The following PTPN4 variants were observed in gnomAD, a reference collection of about 807,000 sequenced individuals.
PTPN4 encodes the protein protein tyrosine phosphatase non-receptor type 4, also known as tyrosine-protein phosphatase non-receptor type 4.
PTPN4 carries 49 observed loss-of-function variants against 135.5 expected under a neutral mutation model. That is an observed-to-expected ratio of 0.36 (90% CI 0.29 to 0.46). The LOEUF (loss-of-function observed/expected upper bound fraction) is 0.46. Among genes scored for constraint, PTPN4 ranks in the 20% least tolerant of loss-of-function variants. The pLI is 1.00. For synonymous variants in PTPN4, 333 were observed against 369.9 expected (o/e 0.90, Z 1.14); for missense variants, 860 against 1,101.0 (o/e 0.78, Z 3.10).
chr2:119,880,456 G>A (rs1574384909), intron 5 of PTPN4, among the ~76,000 whole-genome samples: 1 of 150,668 alleles, frequency 6.6e-6, no homozygotes, highest in African/African-American at 2.4e-5. Context: ...TTGAGATAGA[G>A]TCTCACTCTG....
At position 119,862,630 on chromosome 2, in the gene PTPN4, C is replaced by G. The variant is rs145726868; in HGVS notation, c.233C>G (p.Ser78Cys). The change falls in exon 3 of 27, where the codon TCC becomes TGC. Residue 78 changes from serine to cysteine, a missense_variant. Physicochemically the swap from Ser to Cys is moderately radical, Grantham distance 112 (BLOSUM62 -1). This residue lies in a region of PTPN4 where 684 missense variants were observed against 807.0 expected (regional missense o/e 0.85). Transcript: ENST00000263708. ...TTTGGTTTACAGTTGGCTGATGATT[C>G]CACAGATAACCCAGTAAGTGTAAGA... ...DYFGLQLADD[S>C]TDNPRWLDPN... 1 of 1,607,142 alleles carries G rather than the reference C, an allele frequency of 6.2e-7. No individual in the cohort carries two copies. The highest frequency in any genetic ancestry group is 8.5e-7 in the Non-Finnish European group (1 of 1,174,562).
chr2:119,897,320 A>G (rs72838969), intron 9 of PTPN4, among the ~76,000 whole-genome samples: 3,652 of 152,228 alleles, frequency 0.024, 65 homozygotes, highest in Non-Finnish European at 0.033. Flanking sequence ...ACAGACATGA[A>G]ATTAGCCATT....
At chr2:119,881,219 T>C (rs1678072857) in intron 5 of PTPN4, among the ~76,000 whole-genome samples, 1 of 152,188 alleles carries the variant, frequency 6.6e-6, no homozygotes, top group Non-Finnish European at 1.5e-5. Context: ...ATTCTAACAA[T>C]AGTAGACAAA....
intron 15 of PTPN4, among the ~76,000 whole-genome samples, chr2:119,939,245 T>A (rs1679028297): frequency 6.6e-6 from 1 of 152,218 alleles, no homozygotes; most frequent in African/African-American, 2.4e-5. Context: ...ACTTTATTCT[T>A]ACATTCCTAA....
intron 2 of PTPN4, among the ~76,000 whole-genome samples, chr2:119,822,707 G>C (rs1677088628): frequency 6.6e-6 from 1 of 152,050 alleles, no homozygotes; most frequent in South Asian, 2.1e-4. Context: ...TGTTGTTCTT[G>C]TGGTTTTTAT....
At chr2:119,768,614 A>T (rs752498530) in intron 1 of PTPN4, among the ~76,000 whole-genome samples, 1 of 152,154 alleles carries the variant, frequency 6.6e-6, no homozygotes, top group Admixed American at 6.5e-5. Flanking sequence ...CAGCAGTGAT[A>T]AATTGGTTCC....
intron 1 of PTPN4, among the ~76,000 whole-genome samples, chr2:119,796,572 T>C (rs1691264725): frequency 1.3e-5 from 2 of 152,236 alleles, no homozygotes; most frequent in South Asian, 4.1e-4. Context: ...TTTATTGATA[T>C]ACTACAGGTC....
At chr2:119,782,505 G>T (rs1305927271) in intron 1 of PTPN4, among the ~76,000 whole-genome samples, 1 of 152,018 alleles carries the variant, frequency 6.6e-6, no homozygotes, top group Non-Finnish European at 1.5e-5. Flanking sequence ...TCCTATATAG[G>T]ACAGTACAGA....
intron 3 of PTPN4, among the ~76,000 whole-genome samples, chr2:119,865,812 G>A (rs1257873997): frequency 2.0e-5 from 3 of 152,012 alleles, no homozygotes; most frequent in East Asian, 3.9e-4. Context: ...AATTAGAACT[G>A]TTGCCTTAGA....
At chr2:119,959,875 ATC>A (rs1679340721) in intron 22 of PTPN4, among the ~76,000 whole-genome samples, 1 of 152,180 alleles carries the variant, frequency 6.6e-6, no homozygotes. Context: ...AGGGCCTTAA[ATC>A]TGCATTAAAT....
At chr2:119,932,029 T>C (rs1678914177) in intron 13 of PTPN4, among the ~76,000 whole-genome samples, 1 of 152,216 alleles carries the variant, frequency 6.6e-6, no homozygotes, top group Non-Finnish European at 1.5e-5. Flanking sequence ...CGAGGAGTTA[T>C]TTAATACATC....
At chr2:119,785,683 C>T (rs183825605) in intron 1 of PTPN4, among the ~76,000 whole-genome samples, 39 of 152,162 alleles carry the variant, frequency 2.6e-4, no homozygotes, top group Middle Eastern at 3.4e-3. Context: ...TGAACACTTA[C>T]ATACTTTACC....
chr2:119,903,385 A>G (rs1428962438), intron 10 of PTPN4, among the ~76,000 whole-genome samples: 1 of 151,996 alleles, frequency 6.6e-6, no homozygotes. Flanking sequence ...GGACCATCCC[A>G]GCTGCTGGCA....
chr2:119,926,789 T>A, intron 13 of PTPN4, 123 bp downstream of exon 13: 1 of 691,868 alleles, frequency 1.4e-6, no homozygotes, highest in Non-Finnish European at 2.4e-6. Flanking sequence ...ATTACAGAAT[T>A]ATCACAATTC....
chr2:119,960,844 T>C lies in PTPN4; in HGVS notation c.2171T>C (p.Ile724Thr). ...IPSSSIINQY[I>T]ACQGPLPHTC... is the part of the protein sequence containing the mutation. ...TCTTCCAGCATTATAAATCAGTACA[T>C]TGCTTGTCAAGGGCCATTACCACAC... Residue 724 changes from isoleucine to threonine, a missense_variant, in exon 23 of 27, where the codon ATT becomes ACT. Physicochemically the swap from Ile to Thr is moderately conservative, Grantham distance 89. Transcript: ENST00000263708. The C allele has an allele frequency of 1.2e-6, 2 of 1,613,790 alleles. No individual in the cohort carries two copies. The highest frequency in any genetic ancestry group is 1.7e-6 in the Non-Finnish European group (2 of 1,179,900).
In PTPN4 at chr2:119,919,456, G is replaced by A. The variant is rs147598024; in HGVS notation, c.829-613G>A. Among the ~76,000 whole-genome samples the A allele has an allele frequency of 4.9e-3, 742 of 152,158 alleles. 4 individuals carry two copies. Among genetic ancestry groups the A allele is most frequent in the African/African-American group, 0.017 (708 of 41,510 alleles). On this transcript the variant is annotated intron_variant, in intron 11 of 26. Transcript: ENST00000263708. Reference sequence around the variant, plus strand: ...TTGAAACAGAGTCATAGCTAATGTTGAAAACAGATACATATTAAAAGTTTG... The same window carrying A: ...TTGAAACAGAGTCATAGCTAATGTTAAAAACAGATACATATTAAAAGTTTG...
intron 2 of PTPN4, among the ~76,000 whole-genome samples, chr2:119,844,562 C>G (rs1213534967): frequency 6.7e-6 from 1 of 149,924 alleles, no homozygotes; most frequent in Non-Finnish European, 1.5e-5. Flanking sequence ...AGACGCTCCT[C>G]ACCTCCCAGA....
In PTPN4 at chr2:119,760,045, A is replaced by G. The variant is rs1040838442; in HGVS notation, c.-357A>G. The G allele has an allele frequency of 7.8e-6, 3 of 382,950 alleles. No individual in the cohort carries two copies. Among genetic ancestry groups the G allele is most frequent in the Non-Finnish European group, 1.4e-5 (3 of 216,508 alleles). The allele number at this position is 382,950 out of a possible 1,614,324, so 23.7% of individuals were successfully genotyped here. A position where few individuals can be genotyped will look rare whatever the true frequency, so the allele number is the denominator to read the frequency against. ...GAATTGGGCCTGAGCGGGAGAGGAAAGAGACTTGGCTTTGGCCGCGGGGTC... is the reference window on the plus strand; with the variant it reads ...GAATTGGGCCTGAGCGGGAGAGGAAGGAGACTTGGCTTTGGCCGCGGGGTC... On this transcript the variant is annotated 5_prime_UTR_variant, in exon 1 of 27. Coordinates refer to ENST00000263708, the MANE Select transcript of PTPN4 (RefSeq NM_002830.4).
At chr2:119,942,749 G>A (rs1679078671) in intron 15 of PTPN4, among the ~76,000 whole-genome samples, 2 of 152,134 alleles carry the variant, frequency 1.3e-5, no homozygotes, top group Non-Finnish European at 2.9e-5. Flanking sequence ...GTTCTGCTAA[G>A]GGATGTCCAT....
Sources: allele counts gnomAD v4.1 joint callset (sites outside exome capture counted in the v4.1 genomes callset), GRCh38; gene constraint gnomAD v4.1.1; regional missense constraint gnomAD v4.1.1; transcripts MANE v1.5; gene names NCBI Gene and HGNC (gene_info 2026-07-23, HGNC 2026-07-21).